Variants in CTNNBL1 observed in about 807,000 individuals in gnomAD.
CTNNBL1 encodes the protein catenin beta like 1.
A neutral mutation model predicts 72.7 loss-of-function variants in CTNNBL1; 31 were observed. That is an observed-to-expected ratio of 0.43 (90% CI 0.32 to 0.58). The LOEUF is 0.58. Among genes scored for constraint, CTNNBL1 ranks in the 20% least tolerant of loss-of-function variants. The pLI is 0.08. For synonymous variants in CTNNBL1, 240 were observed against 267.3 expected (o/e 0.90, Z 1.00); for missense variants, 534 against 725.1 (o/e 0.74, Z 3.03).
chr20:37,703,948 T>C (rs560321139), intron 1 of CTNNBL1, among the ~76,000 whole-genome samples: 1 of 152,220 alleles, frequency 6.6e-6, no homozygotes, highest in Non-Finnish European at 1.5e-5. Context: ...TGGCTAATTT[T>C]GTATTTTTAG....
intron 1 of CTNNBL1, among the ~76,000 whole-genome samples, chr20:37,720,575 T>A (rs945374236): frequency 6.6e-6 from 1 of 152,236 alleles, no homozygotes; most frequent in Non-Finnish European, 1.5e-5. Flanking sequence ...TCATTTAAGC[T>A]GGATTAAGGC....
chr20:37,781,514 C>G (rs1461412812), intron 10 of CTNNBL1, among the ~76,000 whole-genome samples: 1 of 152,134 alleles, frequency 6.6e-6, no homozygotes, highest in African/African-American at 2.4e-5. Flanking sequence ...GATCTCCTAA[C>G]TTCATTTTTG....
At chr20:37,855,344 C>G (rs2122849008) in intron 13 of CTNNBL1, among the ~76,000 whole-genome samples, 1 of 152,284 alleles carries the variant, frequency 6.6e-6, no homozygotes, top group East Asian at 1.9e-4. Flanking sequence ...CAGCCTTCTT[C>G]TGGGTTCCCA....
At chr20:37,860,089 C>G in intron 14 of CTNNBL1, 53 bp downstream of exon 14, 1 of 1,570,474 alleles carries the variant, frequency 6.4e-7, no homozygotes, top group Non-Finnish European at 8.6e-7. Flanking sequence ...CCTTCCTCGC[C>G]AGCTGCTTAG....
At chr20:37,789,265 G>T (rs1415145977) in intron 10 of CTNNBL1, among the ~76,000 whole-genome samples, 1 of 152,210 alleles carries the variant, frequency 6.6e-6, no homozygotes. Flanking sequence ...AGAAGGAAAT[G>T]CTCCTTTGTG....
intron 10 of CTNNBL1, among the ~76,000 whole-genome samples, chr20:37,802,517 A>G (rs1272132586): frequency 6.6e-6 from 1 of 152,238 alleles, no homozygotes; most frequent in African/African-American, 2.4e-5. Context: ...TTGTCTCAAT[A>G]AAGCTGTTAA....
chr20:37,715,646 C>T (rs2072979867), intron 1 of CTNNBL1, among the ~76,000 whole-genome samples: 2 of 152,094 alleles, frequency 1.3e-5, no homozygotes, highest in South Asian at 2.1e-4. Context: ...TTTTTCAGGC[C>T]GTGCATCTTT....
At chr20:37,819,620 G>A (rs147139125) in intron 11 of CTNNBL1, among the ~76,000 whole-genome samples, 319 of 152,266 alleles carry the variant, frequency 2.1e-3, no homozygotes, top group African/African-American at 7.2e-3. Flanking sequence ...TAAAATGTAA[G>A]TAAGTATCTT....
intron 10 of CTNNBL1, among the ~76,000 whole-genome samples, chr20:37,797,715 T>A (rs974116899): frequency 1.3e-5 from 2 of 152,080 alleles, no homozygotes; most frequent in African/African-American, 4.8e-5. Context: ...TTCCTTCTGC[T>A]CCCCCATCCC....
At chr20:37,790,292 G>A (rs2073712468) in intron 10 of CTNNBL1, among the ~76,000 whole-genome samples, 1 of 152,084 alleles carries the variant, frequency 6.6e-6, no homozygotes. Context: ...AACATCGGAA[G>A]GTCCAAACAA....
chr20:37,811,956 C>G (rs2064436572), intron 11 of CTNNBL1, among the ~76,000 whole-genome samples: 1 of 152,224 alleles, frequency 6.6e-6, no homozygotes, highest in South Asian at 2.1e-4. Context: ...AAATTTGAGC[C>G]TAAGTCTACT....
chr20:37,825,848 G>A (rs1178555542), intron 11 of CTNNBL1, among the ~76,000 whole-genome samples: 1 of 152,170 alleles, frequency 6.6e-6, no homozygotes, highest in African/African-American at 2.4e-5. Context: ...CCCAGAATTA[G>A]CATTTTTCCT....
At chr20:37,795,517 G>A (rs1296422692) in intron 10 of CTNNBL1, among the ~76,000 whole-genome samples, 2 of 152,150 alleles carry the variant, frequency 1.3e-5, no homozygotes, top group East Asian at 1.9e-4. Flanking sequence ...ACAGTTCACT[G>A]ATGATGTGTT....
intron 1 of CTNNBL1, among the ~76,000 whole-genome samples, chr20:37,707,836 CTCTT>C (rs1342574503): frequency 1.3e-5 from 2 of 152,282 alleles, no homozygotes; most frequent in African/African-American, 4.8e-5. Flanking sequence ...AGATGTGAGA[CTCTT>C]TCTTTCACTT....
chr20:37,714,851 AC>A (rs1308819871), intron 1 of CTNNBL1, among the ~76,000 whole-genome samples: 2 of 152,042 alleles, frequency 1.3e-5, no homozygotes, highest in Non-Finnish European at 2.9e-5. Flanking sequence ...CAACACTGCT[AC>A]CCCACATCAG....
chr20:37,852,035 A>G (rs762679499), intron 13 of CTNNBL1, among the ~76,000 whole-genome samples: 4 of 152,250 alleles, frequency 2.6e-5, no homozygotes, highest in Non-Finnish European at 2.9e-5. Flanking sequence ...AGATTAATGC[A>G]GGTGCCCTGC....
intron 10 of CTNNBL1, among the ~76,000 whole-genome samples, chr20:37,783,666 T>C (rs926623119): frequency 2.6e-5 from 4 of 152,216 alleles, no homozygotes; most frequent in African/African-American, 9.6e-5. Context: ...GAATAGTTTC[T>C]GGAATTCCTC....
At chr20:37,760,664 G>T (rs2073408727) in intron 5 of CTNNBL1, among the ~76,000 whole-genome samples, 1 of 152,188 alleles carries the variant, frequency 6.6e-6, no homozygotes, top group Admixed American at 6.5e-5. Context: ...TAACAGTAGT[G>T]CCTATCATAC....
intron 13 of CTNNBL1, among the ~76,000 whole-genome samples, chr20:37,845,862 G>A (rs1679079876): frequency 6.6e-6 from 1 of 152,104 alleles, no homozygotes; most frequent in Non-Finnish European, 1.5e-5. Flanking sequence ...ACCTCACCAA[G>A]TCTGCAACCA....
Sources: allele counts gnomAD v4.1 joint callset (sites outside exome capture counted in the v4.1 genomes callset), GRCh38; gene constraint gnomAD v4.1.1; transcripts MANE v1.5; gene names NCBI Gene and HGNC (gene_info 2026-07-23, HGNC 2026-07-21).